The following MAGI2 variants were observed in gnomAD, a reference collection of about 807,000 sequenced individuals.
MAGI2 encodes the protein membrane-associated guanylate kinase, WW and PDZ domain-containing protein 2.
A neutral mutation model predicts 133.3 loss-of-function variants in MAGI2; 35 were observed. The observed-to-expected ratio is 0.26, with a 90% CI of 0.20 to 0.35. The LOEUF (loss-of-function observed/expected upper bound fraction) is 0.35, where lower values mean the gene tolerates loss of function less well. MAGI2 is among the 10% of genes least tolerant of loss of function. MAGI2 has a pLI of 1.00. For synonymous variants in MAGI2, 729 were observed against 710.6 expected, an observed-to-expected ratio of 1.03 and a Z score of -0.41; for missense variants, 1,636 against 1,863.4, an observed-to-expected ratio of 0.88 and a Z score of 2.25.
At chr7:78,369,239 A>C (rs780738089) in intron 6 of MAGI2, 26 bp from the exon 7 acceptor site, 76 of 1,476,630 alleles carry the variant, frequency 5.1e-5, no homozygotes, top group Non-Finnish European at 6.8e-5. Context: ...TTCTTTCAGT[A>C]AATAAAGAAT....
intron 1 of MAGI2, among the ~76,000 whole-genome samples, chr7:79,106,383 A>C (rs1421432711): frequency 6.6e-6 from 1 of 151,962 alleles, no homozygotes. Flanking sequence ...CAGGATTGTC[A>C]TTGTGGTTAC....
intron 1 of MAGI2, among the ~76,000 whole-genome samples, chr7:79,035,722 A>G (rs1210239288): frequency 6.6e-6 from 1 of 152,168 alleles, no homozygotes; most frequent in Non-Finnish European, 1.5e-5. Context: ...AATTTCTTAT[A>G]TTAAGACTTT....
rs1023232721 is a variant in MAGI2, at chr7:79,200,326, C to T, written c.302-193120G>A. The stretch of plus-strand genomic sequence containing the variant: ...CATGTTGCCTTACAACTGTTTCAAA[C>T]ACTTTCGGCCTGATATCTGTAACCC... On this transcript the variant is annotated intron_variant, in intron 1 of 21. Transcript: ENST00000354212. Among the ~76,000 whole-genome samples, 5 of 151,790 alleles carry T rather than the reference C, an allele frequency of 3.3e-5. 1 individual carries two copies. The highest frequency in any genetic ancestry group is 1.2e-4 in the African/African-American group (5 of 41,300).
intron 1 of MAGI2, chr7:79,125,675 T>C: frequency 3.8e-6 from 2 of 529,420 alleles, no homozygotes; most frequent in Non-Finnish European, 7.5e-6. Context: ...CTTTAAATTT[T>C]GGAGCCATGA....
chr7:79,280,926 GAAAAAAAAAAAAAAAAAAAAAAA>G (rs71095390), intron 1 of MAGI2, among the ~76,000 whole-genome samples: 661 of 35,804 alleles, frequency 0.018, 14 homozygotes, highest in South Asian at 0.029. Context: ...CTCTGTCTCT[GAAAAAAAAAAAAAAAAAAAAAAA>G]AAAAAAAAAA....
chr7:78,622,222 T>C (rs962407055), intron 3 of MAGI2, among the ~76,000 whole-genome samples: 1 of 152,026 alleles, frequency 6.6e-6, no homozygotes, highest in Non-Finnish European at 1.5e-5. Flanking sequence ...CCCCTTTCAG[T>C]CTTATGGATC....
chr7:78,211,727 T>G (rs909989293), intron 10 of MAGI2, among the ~76,000 whole-genome samples: 10 of 152,266 alleles, frequency 6.6e-5, no homozygotes, highest in African/African-American at 2.4e-4. Flanking sequence ...AGTAGAGGTC[T>G]GCTTTTCAGC....
At chr7:79,213,259 T>C (rs1829664493) in intron 1 of MAGI2, among the ~76,000 whole-genome samples, 1 of 148,164 alleles carries the variant, frequency 6.7e-6, no homozygotes, top group Non-Finnish European at 1.5e-5. Context: ...GGTGTGTATA[T>C]ATATATGTGG....
At chr7:78,655,980 C>CAAAA (rs774125665) in intron 2 of MAGI2, among the ~76,000 whole-genome samples, 15 of 60,764 alleles carry the variant, frequency 2.5e-4, no homozygotes, top group African/African-American at 5.5e-4. Context: ...GACTCCGTCT[C>CAAAA]AAAAAAAAAA....
intron 6 of MAGI2, among the ~76,000 whole-genome samples, chr7:78,430,718 T>C (rs1799710940): frequency 6.6e-6 from 1 of 152,138 alleles, no homozygotes; most frequent in Non-Finnish European, 1.5e-5. Context: ...AGTGTAGTAA[T>C]TTGTCTATTT....
intron 3 of MAGI2, among the ~76,000 whole-genome samples, chr7:78,572,241 A>G (rs1311666625): frequency 6.6e-5 from 10 of 152,160 alleles, no homozygotes. Flanking sequence ...GACTGTTTTA[A>G]TGCTATTTAA....
At chr7:78,684,629 C>G (rs1476641787) in intron 2 of MAGI2, among the ~76,000 whole-genome samples, 1 of 151,832 alleles carries the variant, frequency 6.6e-6, no homozygotes. Flanking sequence ...ATATTTACTT[C>G]TGTATTATTA....
chr7:78,251,678 A>C (rs924608973), intron 10 of MAGI2: 1 of 152,260 alleles, frequency 6.6e-6, no homozygotes, highest in Non-Finnish European at 1.5e-5. Context: ...AGATCTGTAC[A>C]TTGAAAACTA....
chr7:78,386,101 T>G (rs1009806354), intron 6 of MAGI2, among the ~76,000 whole-genome samples: 1 of 152,126 alleles, frequency 6.6e-6, no homozygotes, highest in Non-Finnish European at 1.5e-5. Context: ...TCTGCAGCAT[T>G]CCTGGGCAGA....
intron 9 of MAGI2, among the ~76,000 whole-genome samples, chr7:78,317,161 CAT>C (rs1787499549): frequency 6.6e-6 from 1 of 152,170 alleles, no homozygotes; most frequent in Non-Finnish European, 1.5e-5. Flanking sequence ...TTCCCCATTC[CAT>C]AGGTTAGTGG....
chr7:78,319,341 C>T (rs966397939), intron 9 of MAGI2, among the ~76,000 whole-genome samples: 2 of 151,916 alleles, frequency 1.3e-5, no homozygotes, highest in African/African-American at 4.8e-5. Context: ...GTTGCAATCC[C>T]CTCATCACAC....
chr7:79,141,267 A>G (rs987725980), intron 1 of MAGI2, among the ~76,000 whole-genome samples: 7 of 152,166 alleles, frequency 4.6e-5, no homozygotes, highest in African/African-American at 1.4e-4. Context: ...TCTTTGTTCC[A>G]GATGATGTGC....
At chr7:78,401,761 A>G (rs1425750905) in intron 6 of MAGI2, among the ~76,000 whole-genome samples, 2 of 152,176 alleles carry the variant, frequency 1.3e-5, no homozygotes, top group African/African-American at 4.8e-5. Context: ...TTTAAGATAA[A>G]TAAGTATTTT....
chr7:78,909,971 T>C (rs1798284549), intron 2 of MAGI2, among the ~76,000 whole-genome samples: 1 of 152,148 alleles, frequency 6.6e-6, no homozygotes, highest in African/African-American at 2.4e-5. Flanking sequence ...AGGAATGAGA[T>C]CATGGCCTTT....
Sources: allele counts gnomAD v4.1 joint callset (sites outside exome capture counted in the v4.1 genomes callset), GRCh38; gene constraint gnomAD v4.1.1; transcripts MANE v1.5; gene names NCBI Gene and HGNC (gene_info 2026-07-23, HGNC 2026-07-21).